Variants in M1AP observed in about 807,000 individuals in gnomAD.
The protein encoded by M1AP is meiosis 1 associated protein.
A neutral mutation model predicts 51.2 loss-of-function variants in M1AP; 39 were observed. The ratio of observed to expected loss-of-function variants is 0.76; its 90% CI spans 0.59 to 1.00. The LOEUF (loss-of-function observed/expected upper bound fraction) is 1.00, where lower values mean the gene tolerates loss of function less well. Among genes scored for constraint, M1AP ranks in the 50% least tolerant of loss-of-function variants. The pLI, the probability that M1AP is intolerant of heterozygous loss-of-function variation, is 0.00. For missense variants in M1AP, 545 were observed against 641.2 expected, an observed-to-expected ratio of 0.85 and a Z score of 1.62; for synonymous variants, 251 against 249.2, an observed-to-expected ratio of 1.01 and a Z score of -0.07.
At chr2:74,641,124 T>C (rs1683274575) in intron 1 of M1AP, among the ~76,000 whole-genome samples, 1 of 152,240 alleles carries the variant, frequency 6.6e-6, no homozygotes, top group Non-Finnish European at 1.5e-5. Context: ...GTTGTCTGAA[T>C]CTCTTATAAG....
At position 74,629,472 on chromosome 2, in the gene M1AP, G is replaced by C. The variant is rs565040534; in HGVS notation, c.240+10564C>G. Among the ~76,000 whole-genome samples the C allele has an allele frequency of 1.1e-4, 16 of 152,304 alleles. No individual in the cohort carries two copies. The South Asian group carries it at 1.5e-3, about 14-fold the overall frequency. On this transcript the variant is annotated intron_variant, in intron 2 of 10. Coordinates refer to ENST00000421985, the MANE Select transcript of M1AP (RefSeq NM_001321739.2). ...AAATTATTTTAAAAATGTTGTATAG[G>C]CTGGGCGCGGTGGCTCATGCCTGTA...
chr2:74,614,207 G>T (rs562900295), intron 3 of M1AP, among the ~76,000 whole-genome samples: 12 of 152,150 alleles, frequency 7.9e-5, no homozygotes, highest in Non-Finnish European at 8.8e-5. Flanking sequence ...CTCTGTATTT[G>T]CCTGGTTGTC....
At chr2:74,645,702 T>A (rs1347396068) in intron 1 of M1AP, among the ~76,000 whole-genome samples, 4 of 152,226 alleles carry the variant, frequency 2.6e-5, no homozygotes, top group Non-Finnish European at 4.4e-5. Context: ...TAACTATGAC[T>A]GCTGAACTAC....
rs1683227607 is a variant in M1AP, at chr2:74,640,428, T to C, written c.-52-101A>G. On this transcript the variant is annotated intron_variant, in intron 1 of 10. Coordinates refer to ENST00000421985, the MANE Select transcript of M1AP (RefSeq NM_001321739.2). Reference sequence around the variant, plus strand: ...CGAGGGAAACAAATCCAGAAAGGAGTCAGATTGGGTACTAAAGCTTGTCCA... The same window carrying C: ...CGAGGGAAACAAATCCAGAAAGGAGCCAGATTGGGTACTAAAGCTTGTCCA... The C allele has an allele frequency of 4.0e-6, 4 of 1,001,456 alleles. No individual in the cohort carries two copies. In the South Asian group the frequency reaches 5.2e-5, roughly 13 times the overall value. 62.0% of individuals were successfully genotyped at this position (1,001,456 alleles called of 1,614,324 possible).
chr2:74,626,149 G>C (rs1344889232), intron 2 of M1AP, among the ~76,000 whole-genome samples: 1 of 151,668 alleles, frequency 6.6e-6, no homozygotes, highest in East Asian at 1.9e-4. Context: ...CCCCTTTCAA[G>C]TTTGACTTTC....
chr2:74,590,081 T>C lies in M1AP; in HGVS notation c.596-8234A>G, dbSNP rs188428178. Reference sequence around the variant, plus strand: ...GCAGGTTGGACAAACTTGATTTACATAATTTCTGACTAGGGAATAGTGGGT... The same window carrying C: ...GCAGGTTGGACAAACTTGATTTACACAATTTCTGACTAGGGAATAGTGGGT... On this transcript the variant is annotated intron_variant, in intron 4 of 10. Transcript: ENST00000421985. 7.2e-5 allele frequency among the ~76,000 whole-genome samples: 11 copies of C among 152,364 alleles called. No homozygotes were observed. In the East Asian group the frequency reaches 1.3e-3, roughly 19 times the overall value.
intron 3 of M1AP, among the ~76,000 whole-genome samples, chr2:74,614,545 G>A (rs571164313): frequency 2.0e-5 from 3 of 152,264 alleles, no homozygotes; most frequent in South Asian, 2.1e-4. Context: ...TGCTAATCCC[G>A]AGAAAAGTTC....
At chr2:74,595,333 T>C (rs1680267033) in intron 4 of M1AP, among the ~76,000 whole-genome samples, 1 of 152,060 alleles carries the variant, frequency 6.6e-6, no homozygotes, top group Non-Finnish European at 1.5e-5. Context: ...TTTTTTAAAA[T>C]ACATGTTTGC....
rs1558662440 is a variant in M1AP at position 74,587,754 on chromosome 2, C to T, written c.596-5907G>A. On this transcript the variant is annotated intron_variant, in intron 4 of 10. Coordinates refer to ENST00000421985, the MANE Select transcript of M1AP (RefSeq NM_001321739.2). ...AAATGGAAAGGTTACAGGAGTGAAACGGTGGCCCTTAGTGTTTGGATAGTT... is the reference window on the plus strand; with the variant it reads ...AAATGGAAAGGTTACAGGAGTGAAATGGTGGCCCTTAGTGTTTGGATAGTT... Among the ~76,000 whole-genome samples, 4 of 152,096 alleles carry T rather than the reference C, an allele frequency of 2.6e-5. No individual in the cohort carries two copies. In the East Asian group the frequency reaches 5.8e-4, roughly 22 times the overall value.
chr2:74,597,087 G>T (rs548037491), intron 4 of M1AP, among the ~76,000 whole-genome samples: 29 of 152,278 alleles, frequency 1.9e-4, no homozygotes, highest in Admixed American at 7.8e-4. Context: ...ACTTCGAATG[G>T]ATGCAACTTA....
At chr2:74,583,548 C>G (rs534786507) in intron 4 of M1AP, among the ~76,000 whole-genome samples, 18 of 152,128 alleles carry the variant, frequency 1.2e-4, no homozygotes, top group African/African-American at 4.1e-4. Flanking sequence ...AAGCACAGAG[C>G]AAATAAGGGA....
chr2:74,586,728 C>T (rs186824168), intron 4 of M1AP, among the ~76,000 whole-genome samples: 82 of 152,244 alleles, frequency 5.4e-4, no homozygotes, highest in African/African-American at 1.8e-3. Context: ...CAGCCGGGCA[C>T]GGTGGCTCAC....
chr2:74,648,129 C>A (rs1041131181), intron 1 of M1AP, 136 bp downstream of exon 1: 1 of 976,156 alleles, frequency 1.0e-6, no homozygotes. Context: ...AGTCTTGCGC[C>A]GGCACCCGCC....
At chr2:74,616,912 G>A (rs1381613652) in intron 2 of M1AP, among the ~76,000 whole-genome samples, 5 of 152,200 alleles carry the variant, frequency 3.3e-5, no homozygotes, top group Non-Finnish European at 5.9e-5. Flanking sequence ...ACAACATTCA[G>A]TATCAATTTT....
chr2:74,607,908 AT>A (rs1290325477), intron 3 of M1AP, among the ~76,000 whole-genome samples: 24 of 152,172 alleles, frequency 1.6e-4, no homozygotes, highest in Non-Finnish European at 3.1e-4. Flanking sequence ...CACTATTATT[AT>A]TATTATTATT....
intron 8 of M1AP, among the ~76,000 whole-genome samples, chr2:74,561,154 A>AGGAGGAGGAGGAGGAGG (rs1677942098): frequency 7.8e-5 from 1 of 12,788 alleles, no homozygotes; most frequent in Non-Finnish European, 1.9e-4. Context: ...GGAGGAGGAG[A>AGGAGGAGGAGGAGGAGG]AGGAGGAGGA....
intron 2 of M1AP, among the ~76,000 whole-genome samples, chr2:74,625,963 C>T (rs1682357716): frequency 6.6e-6 from 1 of 152,250 alleles, no homozygotes; most frequent in African/African-American, 2.4e-5. Context: ...ACTCTCTCTG[C>T]ATGCCTGTAA....
At chr2:74,599,121 T>C (rs1467049893) in intron 4 of M1AP, among the ~76,000 whole-genome samples, 6 of 151,960 alleles carry the variant, frequency 3.9e-5, no homozygotes, top group African/African-American at 1.4e-4. Context: ...CTACTAAAAA[T>C]ACAAAAAATT....
Position 74,585,313 on chromosome 2 carries a change from G to T in M1AP, c.596-3466C>A, listed in dbSNP as rs374879933. On this transcript the variant is annotated intron_variant, in intron 4 of 10. Coordinates refer to ENST00000421985, the MANE Select transcript of M1AP (RefSeq NM_001321739.2). ...GTGTCCCAATTGCAGAGATGTGTTT[G>T]TCAAGTCTCTGCTCTTTTTTGTGAT... Among the ~76,000 whole-genome samples, 8 of 152,190 alleles carry T rather than the reference G, an allele frequency of 5.3e-5. No homozygotes were observed. The East Asian group carries it at 1.2e-3, about 22-fold the overall frequency.
Sources: allele counts gnomAD v4.1 joint callset (sites outside exome capture counted in the v4.1 genomes callset), GRCh38; gene constraint gnomAD v4.1.1; transcripts MANE v1.5; gene names NCBI Gene and HGNC (gene_info 2026-07-23, HGNC 2026-07-21).